Variants in PUS7 observed in about 807,000 individuals in gnomAD.
PUS7 encodes pseudouridylate synthase 7 homolog.
PUS7 carries 48 observed loss-of-function variants against 79.8 expected under a neutral mutation model. That is an observed-to-expected ratio of 0.60 (90% CI 0.48 to 0.76). The LOEUF is 0.76. Among genes scored for constraint, PUS7 ranks in the 30% least tolerant of loss-of-function variants. The probability of loss-of-function intolerance (pLI) is 0.00; values close to 1 mark genes in which losing one functional copy is unlikely to be tolerated. For missense variants in PUS7, 729 were observed against 797.6 expected (o/e 0.91, Z 1.04); for synonymous variants, 286 against 272.2 (o/e 1.05, Z -0.50).
chr7:105,495,177 G>A lies in PUS7; in HGVS notation c.807C>T (p.Thr269=). The A allele has an allele frequency of 6.2e-7, 1 of 1,611,420 alleles. No homozygotes were observed. Among genetic ancestry groups the A allele is most frequent in the Non-Finnish European group, 8.5e-7 (1 of 1,178,358 alleles). Residue 269 remains threonine, a synonymous_variant, in exon 6 of 16, where the codon ACC becomes ACT. Transcript: ENST00000469408. ...HFVLYKENKD[T]MDAINVLSKY... is the part of the protein sequence containing the mutation. ...TGGAGAGTACATTAATAGCATCCAT[G>A]GTGTCTTTGTTTTCCTTATATAGTA...
At chr7:105,521,837 C>T (rs997003059) in intron 1 of PUS7, among the ~76,000 whole-genome samples, 4 of 133,290 alleles carry the variant, frequency 3.0e-5, no homozygotes, top group African/African-American at 1.0e-4. Flanking sequence ...AGAGCGGCGC[C>T]TGCACCGCCG....
chr7:105,468,210 G>T, intron 12 of PUS7, 127 bp downstream of exon 12: 1 of 1,283,368 alleles, frequency 7.8e-7, no homozygotes, highest in African/African-American at 1.5e-5. Context: ...CAGGATTATG[G>T]GCGTGTACCA....
intron 10 of PUS7, 63 bp downstream of exon 10, chr7:105,472,069 G>A: frequency 9.6e-7 from 1 of 1,037,374 alleles, no homozygotes. Flanking sequence ...TTTATTCAAA[G>A]CAATTTCATG....
intron 6 of PUS7, among the ~76,000 whole-genome samples, chr7:105,493,295 A>G (rs550573229): frequency 2.5e-4 from 38 of 152,258 alleles, no homozygotes; most frequent in Non-Finnish European, 4.7e-4. Context: ...AGTATTTTAT[A>G]AACTTAACCG....
Position 105,508,411 on chromosome 7 carries a change from C to T in PUS7, c.102G>A (p.Lys34=). The T allele has an allele frequency of 6.2e-7, 1 of 1,614,146 alleles. No homozygotes were observed. The highest frequency in any genetic ancestry group is 1.1e-5 in the South Asian group (1 of 91,078). ...GVPVEETKKQ[K]LSECSLTKGQ... Reference sequence around the variant, plus strand: ...CTTTGGTTAGACTGCATTCCGACAGCTTCTGTTTTTTTGTCTCTTCAACTG... The same window carrying T: ...CTTTGGTTAGACTGCATTCCGACAGTTTCTGTTTTTTTGTCTCTTCAACTG... The change falls in exon 2 of 16, where the codon AAG becomes AAA. Residue 34 remains lysine (K), a synonymous_variant. Transcript: ENST00000469408.
intron 5 of PUS7, among the ~76,000 whole-genome samples, chr7:105,497,660 T>C (rs1825091191): frequency 6.6e-6 from 1 of 152,308 alleles, no homozygotes; most frequent in East Asian, 1.9e-4. Context: ...GAAGAAATTA[T>C]TGTTGATGTT....
intron 7 of PUS7, 83 bp from the exon 8 acceptor site, chr7:105,482,523 A>G: frequency 3.5e-6 from 5 of 1,416,278 alleles, no homozygotes; most frequent in Non-Finnish European, 4.8e-6. Flanking sequence ...TTGGAACAGT[A>G]CAGAAAACAA....
At chr7:105,459,978 G>A (rs1326277980) in intron 14 of PUS7, among the ~76,000 whole-genome samples, 11 of 151,606 alleles carry the variant, frequency 7.3e-5, no homozygotes, top group African/African-American at 2.2e-4. Flanking sequence ...TCGCTCTGTC[G>A]CCCAGGCTGG....
chr7:105,495,776 TAAAAAAAAGAACATA>T (rs1562808521), intron 5 of PUS7, among the ~76,000 whole-genome samples: 1 of 151,654 alleles, frequency 6.6e-6, no homozygotes, highest in African/African-American at 2.4e-5. Flanking sequence ...CATTTTTAAT[TAAAAAAAAGAACATA>T]AAAAAATTAA....
intron 8 of PUS7, 148 bp from the exon 9 acceptor site, chr7:105,481,325 T>G (rs745361654): frequency 5.5e-6 from 3 of 540,922 alleles, no homozygotes; most frequent in Admixed American, 4.0e-5. Flanking sequence ...TTTCTTTCTT[T>G]AAGTTGTGGT....
chr7:105,507,675 G>A (rs1825527361), intron 2 of PUS7, among the ~76,000 whole-genome samples: 1 of 152,018 alleles, frequency 6.6e-6, no homozygotes, highest in South Asian at 2.1e-4. Flanking sequence ...CCGAGTAGCT[G>A]GGATTACAGG....
At position 105,472,170 on chromosome 7, in the gene PUS7, G is replaced by A. The variant is rs1177713112; in HGVS notation, c.1199C>T (p.Thr400Ile). The A allele has an allele frequency of 1.3e-6, 2 of 1,599,240 alleles. No individual in the cohort carries two copies. Among genetic ancestry groups the A allele is most frequent in the Non-Finnish European group, 1.7e-6 (2 of 1,168,512 alleles). The part of the protein sequence containing the change: ...VGRAILQNSW[T>I]EVMDLILKPR... ...TTTCAATATTAAATCCATGACTTCT[G>A]TCCAGGAATTTTGTAGTATAGCTCT... Residue 400 changes from threonine to isoleucine, a missense_variant, in exon 10 of 16, where the codon ACA becomes ATA. Thr to Ile is a moderately conservative substitution (Grantham distance 89). Coordinates refer to ENST00000469408, the MANE Select transcript of PUS7 (RefSeq NM_019042.5).
At chr7:105,520,226 G>C (rs1320477962) in intron 1 of PUS7, among the ~76,000 whole-genome samples, 1 of 152,154 alleles carries the variant, frequency 6.6e-6, no homozygotes, top group East Asian at 1.9e-4. Flanking sequence ...TTGGGAGGCA[G>C]AGGCGGGCAG....
At chr7:105,488,269 AT>A (rs1178942168) in intron 7 of PUS7, among the ~76,000 whole-genome samples, 4 of 152,180 alleles carry the variant, frequency 2.6e-5, no homozygotes, top group Admixed American at 2.6e-4. Flanking sequence ...ACAAGATGCC[AT>A]TTTTTGACCC....
intron 14 of PUS7, among the ~76,000 whole-genome samples, 174 bp from the exon 15 acceptor site, chr7:105,459,433 T>C (rs1823323248): frequency 6.6e-6 from 1 of 151,660 alleles, no homozygotes; most frequent in South Asian, 2.1e-4. Context: ...TTTGCTTATA[T>C]ATATAATTTT....
At chr7:105,520,242 G>A (rs1440538357) in intron 1 of PUS7, among the ~76,000 whole-genome samples, 1 of 152,104 alleles carries the variant, frequency 6.6e-6, no homozygotes, top group African/African-American at 2.4e-5. Flanking sequence ...GGCAGATCAT[G>A]AGGTCAGGAA....
intron 1 of PUS7, among the ~76,000 whole-genome samples, chr7:105,521,761 G>T (rs930153870): frequency 6.6e-6 from 1 of 152,102 alleles, no homozygotes; most frequent in East Asian, 1.9e-4. Flanking sequence ...GGGGAGGAGG[G>T]GAGCGCTCGG....
intron 4 of PUS7, 116 bp from the exon 5 acceptor site, chr7:105,502,680 T>C (rs1825303743): frequency 2.6e-6 from 3 of 1,135,736 alleles, no homozygotes; most frequent in Admixed American, 2.4e-5. Context: ...ATAACAAAAG[T>C]GCCTGCATAC....
At chr7:105,481,312 CT>C in intron 8 of PUS7, 135 bp from the exon 9 acceptor site, 1 of 558,870 alleles carries the variant, frequency 1.8e-6, no homozygotes, top group Non-Finnish European at 2.9e-6. Context: ...CTCCCAAGGG[CT>C]CTTTCTTTCT....
Sources: gnomAD v4.1 joint callset for allele counts (sites outside exome capture counted in the v4.1 genomes callset) on GRCh38, gnomAD v4.1.1 for gene constraint, MANE v1.5 for transcripts, NCBI Gene and HGNC (gene_info 2026-07-23, HGNC 2026-07-21) for gene names.